Variants in LIN28B observed in about 807,000 individuals in gnomAD.
The protein encoded by LIN28B is protein lin-28 homolog B.
LIN28B carries 5 observed loss-of-function variants against 21.9 expected under a neutral mutation model. That is an observed-to-expected ratio of 0.23 (90% CI 0.12 to 0.48). The LOEUF (loss-of-function observed/expected upper bound fraction) is 0.48. Ranked by LOEUF, LIN28B falls within the 20% of genes least tolerant of loss-of-function variation. LIN28B has a pLI of 0.98. For synonymous variants in LIN28B, 109 were observed against 111.3 expected, an observed-to-expected ratio of 0.98 and a Z score of 0.13; for missense variants, 245 against 310.5, an observed-to-expected ratio of 0.79 and a Z score of 1.58.
At chr6:104,992,187 A>G (rs146303896) in intron 2 of LIN28B, among the ~76,000 whole-genome samples, 3,305 of 152,034 alleles carry the variant, frequency 0.022, 130 homozygotes, top group African/African-American at 0.077. Flanking sequence ...CAGCCTCCCA[A>G]GTAGCTGGGA....
chr6:105,000,972 G>A (rs1770706363), intron 2 of LIN28B, among the ~76,000 whole-genome samples: 1 of 151,874 alleles, frequency 6.6e-6, no homozygotes, highest in African/African-American at 2.4e-5. Context: ...ATAGATGGCA[G>A]ATGTGAAAAC....
At chr6:105,059,798 T>C (rs1363956883) in intron 3 of LIN28B, among the ~76,000 whole-genome samples, 1 of 152,246 alleles carries the variant, frequency 6.6e-6, no homozygotes, top group Non-Finnish European at 1.5e-5. Flanking sequence ...TTGCATTTCT[T>C]CCACTTTAAT....
chr6:105,024,362 CTTTG>C (rs1771241348), intron 2 of LIN28B, among the ~76,000 whole-genome samples: 1 of 152,072 alleles, frequency 6.6e-6, no homozygotes, highest in African/African-American at 2.4e-5. Flanking sequence ...AATGCTGTTT[CTTTG>C]TTCTCATAAT....
At chr6:104,959,937 G>A (rs1434493695) in intron 2 of LIN28B, among the ~76,000 whole-genome samples, 1 of 152,048 alleles carries the variant, frequency 6.6e-6, no homozygotes, top group African/African-American at 2.4e-5. Flanking sequence ...TTCATCAAAT[G>A]TTAAGATATT....
At chr6:104,968,791 A>AT (rs970208573) in intron 2 of LIN28B, among the ~76,000 whole-genome samples, 4 of 151,434 alleles carry the variant, frequency 2.6e-5, no homozygotes, top group East Asian at 1.9e-4. Context: ...AACTTAGCTT[A>AT]TTTTTTTTTC....
intron 3 of LIN28B, among the ~76,000 whole-genome samples, chr6:105,034,314 G>C (rs146823937): frequency 2.8e-4 from 43 of 151,898 alleles, no homozygotes; most frequent in Admixed American, 9.2e-4. Context: ...AAATAACTTA[G>C]AAAATAATAC....
At chr6:105,044,050 T>C (rs910662880) in intron 3 of LIN28B, among the ~76,000 whole-genome samples, 1 of 152,218 alleles carries the variant, frequency 6.6e-6, no homozygotes, top group Non-Finnish European at 1.5e-5. Context: ...CTTTGTGTTT[T>C]ACCTATTCAG....
chr6:104,959,015 G>GGTAA (rs983157181), intron 2 of LIN28B, among the ~76,000 whole-genome samples: 16 of 152,010 alleles, frequency 1.1e-4, no homozygotes, highest in African/African-American at 3.9e-4. Flanking sequence ...TGCTACTTGG[G>GGTAA]GTAAATTTCC....
chr6:105,064,857 A>C (rs1044513371), intron 3 of LIN28B, among the ~76,000 whole-genome samples: 1 of 152,212 alleles, frequency 6.6e-6, no homozygotes, highest in Non-Finnish European at 1.5e-5. Flanking sequence ...CCAAATCTAG[A>C]GGGTGACCAA....
chr6:105,044,834 G>A (rs1393779610), intron 3 of LIN28B, among the ~76,000 whole-genome samples: 1 of 152,116 alleles, frequency 6.6e-6, no homozygotes, highest in African/African-American at 2.4e-5. Context: ...CAATGGAAAT[G>A]ATCTTAATGG....
chr6:104,964,200 TG>T (rs1769811175), intron 2 of LIN28B, among the ~76,000 whole-genome samples: 1 of 152,192 alleles, frequency 6.6e-6, no homozygotes, highest in Admixed American at 6.5e-5. Flanking sequence ...AGATGCACTG[TG>T]TTGTTTTTGT....
intron 3 of LIN28B, among the ~76,000 whole-genome samples, chr6:105,029,375 TG>T (rs1246943806): frequency 2.0e-5 from 3 of 152,112 alleles, no homozygotes; most frequent in Non-Finnish European, 2.9e-5. Flanking sequence ...GTGACAGTAT[TG>T]GGATTTAAAG....
At chr6:104,995,937 T>C (rs563211054) in intron 2 of LIN28B, among the ~76,000 whole-genome samples, 1 of 150,468 alleles carries the variant, frequency 6.6e-6, no homozygotes, top group East Asian at 1.9e-4. Context: ...TTAAAAAATA[T>C]TTAAAAATTA....
intron 3 of LIN28B, among the ~76,000 whole-genome samples, chr6:105,026,797 A>G (rs999711756): frequency 2.0e-5 from 3 of 151,862 alleles, no homozygotes; most frequent in Admixed American, 6.6e-5. Context: ...TTTGCCAAAC[A>G]CCTCACCTCT....
At chr6:105,004,936 C>A (rs1770788778) in intron 2 of LIN28B, among the ~76,000 whole-genome samples, 1 of 152,114 alleles carries the variant, frequency 6.6e-6, no homozygotes, top group Non-Finnish European at 1.5e-5. Flanking sequence ...TTAGTTTCAT[C>A]TTGGAGAATT....
upstream of LIN28B, among the ~76,000 whole-genome samples, chr6:104,954,053 C>T (rs1778254502): frequency 6.6e-6 from 1 of 152,136 alleles, no homozygotes; most frequent in Non-Finnish European, 1.5e-5. Context: ...TATTTCCTTG[C>T]TTTTTCCCCC....
chr6:104,994,240 G>A (rs1379502572), intron 2 of LIN28B, among the ~76,000 whole-genome samples: 26 of 152,142 alleles, frequency 1.7e-4, no homozygotes, highest in African/African-American at 5.3e-4. Context: ...TCCTGACCTC[G>A]TGATCCGCCC....
chr6:104,974,194 A>C (rs1178700426), intron 2 of LIN28B, among the ~76,000 whole-genome samples: 1 of 152,160 alleles, frequency 6.6e-6, no homozygotes. Flanking sequence ...AGATGAGTAA[A>C]AAAATGCAGA....
At chr6:105,063,547 A>T (rs1772163397) in intron 3 of LIN28B, among the ~76,000 whole-genome samples, 1 of 150,654 alleles carries the variant, frequency 6.6e-6, no homozygotes, top group Admixed American at 6.7e-5. Flanking sequence ...GAGGCACAAG[A>T]ATTGCTTGAA....
Sources: gnomAD v4.1 joint callset for allele counts (sites outside exome capture counted in the v4.1 genomes callset) on GRCh38, gnomAD v4.1.1 for gene constraint, MANE v1.5 for transcripts, NCBI Gene and HGNC (gene_info 2026-07-23, HGNC 2026-07-21) for gene names.